The following SPIDR variants were observed in gnomAD, a reference collection of about 807,000 sequenced individuals.
SPIDR encodes scaffold protein involved in DNA repair.
A neutral mutation model predicts 104.6 loss-of-function variants in SPIDR; 93 were observed. The observed-to-expected ratio is 0.89, with a 90% CI of 0.75 to 1.06. SPIDR has a LOEUF of 1.06. Ranked by LOEUF, SPIDR falls within the 50% of genes least tolerant of loss-of-function variation. The pLI, the probability that SPIDR is intolerant of heterozygous loss-of-function variation, is 0.00. For synonymous variants in SPIDR, 431 were observed against 416.9 expected (o/e 1.03, Z -0.41); for missense variants, 1,154 against 1,111.2 (o/e 1.04, Z -0.55).
intron 10 of SPIDR, among the ~76,000 whole-genome samples, chr8:47,668,388 A>G (rs2075283766): frequency 6.6e-6 from 1 of 152,172 alleles, no homozygotes; most frequent in Non-Finnish European, 1.5e-5. Context: ...GTCATTTGCC[A>G]CATTAACGTG....
intron 5 of SPIDR, among the ~76,000 whole-genome samples, chr8:47,333,767 A>G (rs1003098263): frequency 1.3e-5 from 2 of 152,358 alleles, no homozygotes; most frequent in Non-Finnish European, 2.9e-5. Flanking sequence ...ACATGTGAAA[A>G]ATGCATTGCA....
At chr8:47,397,048 T>C (rs1426589803) in intron 6 of SPIDR, among the ~76,000 whole-genome samples, 1 of 152,126 alleles carries the variant, frequency 6.6e-6, no homozygotes, top group Non-Finnish European at 1.5e-5. Flanking sequence ...TGGTGTGCCA[T>C]GAACTACAGT....
chr8:47,351,394 T>C (rs1587522499), intron 5 of SPIDR, among the ~76,000 whole-genome samples: 1 of 152,096 alleles, frequency 6.6e-6, no homozygotes, highest in Non-Finnish European at 1.5e-5. Context: ...GAAAGGAAAC[T>C]GAGTTGGGTT....
chr8:47,387,225 G>T (rs1394168564), intron 5 of SPIDR, among the ~76,000 whole-genome samples: 3 of 152,234 alleles, frequency 2.0e-5, no homozygotes, highest in Non-Finnish European at 4.4e-5. Context: ...CAGCGAGGAG[G>T]CAGACAGCTA....
chr8:47,534,927 C>T (rs1439422789), intron 8 of SPIDR, among the ~76,000 whole-genome samples: 2 of 151,836 alleles, frequency 1.3e-5, no homozygotes, highest in Non-Finnish European at 2.9e-5. Flanking sequence ...GGAAAAAAGA[C>T]AGAAATTACT....
intron 9 of SPIDR, among the ~76,000 whole-genome samples, chr8:47,597,614 T>C (rs141357107): frequency 9.0e-4 from 137 of 152,368 alleles, no homozygotes; most frequent in African/African-American, 3.2e-3. Flanking sequence ...TCTTGTAATG[T>C]CTAAGAATTT....
At chr8:47,271,832 G>T (rs1221888217) in intron 1 of SPIDR, among the ~76,000 whole-genome samples, 3 of 152,036 alleles carry the variant, frequency 2.0e-5, no homozygotes, top group Non-Finnish European at 2.9e-5. Flanking sequence ...ACGATGCCCA[G>T]GCTGGAGTGC....
At chr8:47,586,293 G>A (rs1411377895) in intron 8 of SPIDR, among the ~76,000 whole-genome samples, 1 of 152,040 alleles carries the variant, frequency 6.6e-6, no homozygotes, top group Non-Finnish European at 1.5e-5. Context: ...GCTTAGTTTT[G>A]TGGGGTTTTT....
At position 47,360,956 on chromosome 8, in the gene SPIDR, A is replaced by C. The variant is rs540625390; in HGVS notation, c.526-35420A>C. On this transcript the variant is annotated intron_variant, in intron 5 of 19. Coordinates refer to ENST00000297423, the MANE Select transcript of SPIDR (RefSeq NM_001080394.4). ...AGTACTTCTGGAGTGTATGGTGAGC[A>C]TTCACATATTATTTCACACTTTTAA... The C allele has an allele frequency of 8.1e-6, 8 of 985,168 alleles. No individual in the cohort carries two copies. In the Admixed American group the frequency reaches 3.1e-4, roughly 38 times the overall value. 61.0% of individuals were successfully genotyped at this position (985,168 alleles called of 1,614,324 possible). A position where few individuals can be genotyped will look rare whatever the true frequency, so the allele number is the denominator to read the frequency against.
At chr8:47,407,994 TA>T (rs782631154) in intron 7 of SPIDR, 33 bp downstream of exon 7, 15 of 1,200,902 alleles carry the variant, frequency 1.2e-5, no homozygotes, top group Admixed American at 2.4e-5. Context: ...AGACAATGTG[TA>T]AAAAAATATT....
At chr8:47,487,068 C>G (rs891775056) in intron 8 of SPIDR, among the ~76,000 whole-genome samples, 1 of 152,118 alleles carries the variant, frequency 6.6e-6, no homozygotes, top group Admixed American at 6.5e-5. Context: ...ATTGGATAAA[C>G]AGTGAAGATC....
chr8:47,472,944 T>C (rs1586303370), intron 8 of SPIDR, among the ~76,000 whole-genome samples: 1 of 152,224 alleles, frequency 6.6e-6, no homozygotes, highest in Non-Finnish European at 1.5e-5. Context: ...AGAAAATCTT[T>C]CCTTTCTGGC....
intron 6 of SPIDR, among the ~76,000 whole-genome samples, chr8:47,398,975 C>T (rs1458082626): frequency 1.3e-5 from 2 of 152,162 alleles, no homozygotes; most frequent in African/African-American, 4.8e-5. Context: ...GTCTCAGCGG[C>T]GTGACCAGGC....
At chr8:47,432,642 T>G (rs547661729) in intron 7 of SPIDR, among the ~76,000 whole-genome samples, 1 of 152,078 alleles carries the variant, frequency 6.6e-6, no homozygotes, top group African/African-American at 2.4e-5. Flanking sequence ...GAAAGGAGAG[T>G]CATGCCCAGG....
chr8:47,264,604 C>G (rs1245863702), intron 1 of SPIDR, among the ~76,000 whole-genome samples: 1 of 151,640 alleles, frequency 6.6e-6, no homozygotes, highest in Admixed American at 6.6e-5. Flanking sequence ...TACTCCTGTT[C>G]TTGGGCAGCA....
chr8:47,610,517 G>C (rs2063472082), intron 10 of SPIDR, among the ~76,000 whole-genome samples: 2 of 152,166 alleles, frequency 1.3e-5, no homozygotes, highest in Non-Finnish European at 2.9e-5. Context: ...CTCCCCTTTT[G>C]CCTCTGTCAA....
chr8:47,277,311 GTTTGTTATGTTATGTTATGTTATGT>G (rs1441013661), intron 1 of SPIDR, among the ~76,000 whole-genome samples: 17 of 128,290 alleles, frequency 1.3e-4, no homozygotes, highest in Non-Finnish European at 2.2e-4. Context: ...TTTATGTTAT[GTTTGTTATGTTATGTTATGTTATGT>G]TATGTTATGT....
intron 10 of SPIDR, among the ~76,000 whole-genome samples, chr8:47,629,274 C>G (rs1431301403): frequency 1.3e-5 from 2 of 152,192 alleles, no homozygotes; most frequent in Admixed American, 1.3e-4. Flanking sequence ...AGATGAGATG[C>G]TGGACACCCA....
intron 6 of SPIDR, among the ~76,000 whole-genome samples, chr8:47,402,587 A>G (rs914684920): frequency 6.6e-6 from 1 of 152,230 alleles, no homozygotes; most frequent in Non-Finnish European, 1.5e-5. Flanking sequence ...CTACGCAAAT[A>G]AACTAGAAAA....
Sources: allele counts gnomAD v4.1 joint callset (sites outside exome capture counted in the v4.1 genomes callset), GRCh38; gene constraint gnomAD v4.1.1; transcripts MANE v1.5; gene names NCBI Gene and HGNC (gene_info 2026-07-23, HGNC 2026-07-21).